PLPP3: variants seen among roughly 807,000 people sequenced by gnomAD.
The protein encoded by PLPP3 is PAP2 beta.
PLPP3 carries 6 observed loss-of-function variants against 29.6 expected under a neutral mutation model. The observed-to-expected ratio is 0.20, with a 90% CI of 0.11 to 0.40. The LOEUF (loss-of-function observed/expected upper bound fraction) is 0.40. PLPP3 is among the 10% of genes least tolerant of loss of function. The pLI, the probability that PLPP3 is intolerant of heterozygous loss-of-function variation, is 1.00. For missense variants in PLPP3, 308 were observed against 407.7 expected (o/e 0.76, Z 2.11); for synonymous variants, 152 against 159.7 (o/e 0.95, Z 0.36).
chr1:56,545,301 T>C (rs1198494841), intron 1 of PLPP3, among the ~76,000 whole-genome samples: 3 of 152,212 alleles, frequency 2.0e-5, no homozygotes, highest in African/African-American at 4.8e-5. Context: ...TAATTCCCAA[T>C]GTACAGAGTT....
intron 1 of PLPP3, among the ~76,000 whole-genome samples, chr1:56,577,832 T>C (rs937098138): frequency 7.2e-5 from 11 of 151,970 alleles, no homozygotes; most frequent in Admixed American, 5.9e-4. Context: ...CTGAGGCCCA[T>C]GAGGCAGTTA....
chr1:56,564,589 G>T (rs183895197), intron 1 of PLPP3, among the ~76,000 whole-genome samples: 141 of 152,264 alleles, frequency 9.3e-4, no homozygotes, highest in African/African-American at 3.3e-3. Context: ...ATAAGTAAAG[G>T]TCCCTCAACT....
At chr1:56,570,991 T>C (rs1167553551) in intron 1 of PLPP3, among the ~76,000 whole-genome samples, 1 of 152,242 alleles carries the variant, frequency 6.6e-6, no homozygotes. Context: ...TCCACTGATA[T>C]GGATTAAAAG....
chr1:56,537,430 G>A (rs1369020113), intron 1 of PLPP3, among the ~76,000 whole-genome samples: 2 of 152,040 alleles, frequency 1.3e-5, no homozygotes, highest in Admixed American at 6.6e-5. Context: ...ATTAAAGCCC[G>A]AATCGCAACA....
intron 2 of PLPP3, among the ~76,000 whole-genome samples, chr1:56,531,072 G>A (rs1175959357): frequency 6.6e-6 from 1 of 152,170 alleles, no homozygotes; most frequent in Non-Finnish European, 1.5e-5. Flanking sequence ...TGAAGATGAT[G>A]ACAGTATCAA....
At chr1:56,560,607 C>T (rs12033680) in intron 1 of PLPP3, among the ~76,000 whole-genome samples, 1 of 152,258 alleles carries the variant, frequency 6.6e-6, no homozygotes, top group East Asian at 1.9e-4. Flanking sequence ...TATAAGGGCA[C>T]TAATCCCATT....
At position 56,524,305 on chromosome 1, in the gene PLPP3, C is replaced by T. The variant is rs1645838491; in HGVS notation, c.547G>A (p.Gly183Ser). Residue 183 changes from glycine to serine, a missense_variant, in exon 3 of 6, where the codon GGT becomes AGT. Gly to Ser is a moderately conservative substitution (Grantham distance 56). This residue lies in a region of PLPP3 where 232 missense variants were observed against 317.2 expected (regional missense o/e 0.73). Coordinates refer to ENST00000371250, the MANE Select transcript of PLPP3 (RefSeq NM_003713.5). This position sits in a 1 kb window ranked among gnomAD's most constrained non-coding sequence, Gnocchi z 4.3. ...EGYIQNYRCR[G>S]DDSKVQEARK... ...GCTTCCTGGACTTTGCTGTCATCAC[C>T]TCTGCATCTGTAGTTCTGAATGTAG... 6.2e-7 allele frequency: 1 copy of T among 1,613,930 alleles called. No individual in the cohort carries two copies. Among genetic ancestry groups the T allele is most frequent in the East Asian group, 2.2e-5 (1 of 44,870 alleles).
intron 5 of PLPP3, among the ~76,000 whole-genome samples, chr1:56,499,448 T>C (rs1342386623): frequency 2.0e-5 from 3 of 152,112 alleles, no homozygotes; most frequent in East Asian, 3.8e-4. Context: ...CCAAAGCACT[T>C]AGCTTTGAGC....
intron 1 of PLPP3, among the ~76,000 whole-genome samples, chr1:56,540,675 CT>C (rs142492372): frequency 0.093 from 14,090 of 151,926 alleles, 872 homozygotes; most frequent in Middle Eastern, 0.13. Flanking sequence ...AACCCGATGG[CT>C]TTTTTTTGTC....
chr1:56,576,523 T>C (rs374907565), intron 1 of PLPP3, among the ~76,000 whole-genome samples: 11 of 152,186 alleles, frequency 7.2e-5, no homozygotes, highest in Non-Finnish European at 7.3e-5. Context: ...GACATTTAAT[T>C]AGTGATATTG....
At position 56,512,048 on chromosome 1, in the gene PLPP3, T is replaced by C. The variant is rs1004800065; in HGVS notation, c.738A>G (p.Val246=). The change falls in exon 5 of 6, where the codon GTA becomes GTG. Residue 246 remains valine (V), a synonymous_variant. Coordinates refer to ENST00000371250, the MANE Select transcript of PLPP3 (RefSeq NM_003713.5). The part of the protein sequence containing the change: ...MMAFYTGLSR[V]SDHKHHPSDV... ...CACTGGGATGGTGCTTGTGGTCTGA[T>C]ACGCGAGACAGTCCCGTGTAGAAGG... is the stretch of plus-strand genomic sequence containing the variant. The C allele has an allele frequency of 6.8e-6, 11 of 1,613,542 alleles. No individual in the cohort carries two copies. In the Admixed American group the frequency reaches 1.5e-4, roughly 22 times the overall value.
chr1:56,553,504 A>G (rs187242161), intron 1 of PLPP3, among the ~76,000 whole-genome samples: 6 of 152,292 alleles, frequency 3.9e-5, no homozygotes, highest in African/African-American at 7.2e-5. Context: ...TCTTACAGCC[A>G]TGACACCACA....
intron 4 of PLPP3, among the ~76,000 whole-genome samples, chr1:56,522,252 C>T (rs1312464477): frequency 6.6e-6 from 1 of 152,142 alleles, no homozygotes; most frequent in Non-Finnish European, 1.5e-5. Flanking sequence ...CAGAAGGCAT[C>T]CAAAGTGTGT....
intron 5 of PLPP3, among the ~76,000 whole-genome samples, chr1:56,506,801 GT>G (rs932581245): frequency 1.0e-4 from 15 of 150,062 alleles, no homozygotes; most frequent in Admixed American, 2.0e-4. Context: ...ATGAGCCTGT[GT>G]TTTTTTTTTA....
intron 2 of PLPP3, among the ~76,000 whole-genome samples, chr1:56,531,685 G>T (rs370931356): frequency 6.6e-6 from 1 of 152,226 alleles, no homozygotes; most frequent in African/African-American, 2.4e-5. Flanking sequence ...ATTAGCATCT[G>T]TTAAAGCACT....
At chr1:56,559,217 C>T (rs1759751) in intron 1 of PLPP3, among the ~76,000 whole-genome samples, 127,333 of 152,122 alleles carry the variant, frequency 0.84, 53,880 homozygotes, top group Non-Finnish European at 0.9. Context: ...AGAGCATAAA[C>T]AAAGGCTGGA....
rs1393755549 is a variant in PLPP3, at chr1:56,556,998, GAAAGAAAGAA to G, written c.140-19896_140-19887del. Among the ~76,000 whole-genome samples, 59 of 7,448 alleles carry G rather than the reference GAAAGAAAGAA, an allele frequency of 7.9e-3. 9 individuals are homozygous for G. The highest frequency in any genetic ancestry group is 0.013 in the South Asian group (6 of 466). The allele number at this position is 7,448 out of a possible 152,430, so 4.9% of individuals were successfully genotyped here. ...AGAAAGAAAGAAAGAAAGAAAGAAA[GAAAGAAAGAA>G]AGAGAGAGAGAGAGAGAAAGAGAGA... On this transcript the variant is annotated intron_variant, in intron 1 of 5. Transcript: ENST00000371250.
intron 5 of PLPP3, among the ~76,000 whole-genome samples, chr1:56,500,891 C>A (rs1379400871): frequency 6.6e-6 from 1 of 151,460 alleles, no homozygotes; most frequent in African/African-American, 2.4e-5. Context: ...ATAATCCCAG[C>A]TACTCGGGAG....
chr1:56,508,165 A>G (rs1397038519), intron 5 of PLPP3, among the ~76,000 whole-genome samples: 1 of 152,258 alleles, frequency 6.6e-6, no homozygotes, highest in Non-Finnish European at 1.5e-5. Context: ...ATGAGGTGAC[A>G]CTGGAACTGT....
Sources: allele counts gnomAD v4.1 joint callset (sites outside exome capture counted in the v4.1 genomes callset), GRCh38; gene constraint gnomAD v4.1.1; regional missense constraint gnomAD v4.1.1; non-coding constraint Gnocchi (gnomAD v3.1); transcripts MANE v1.5; gene names NCBI Gene and HGNC (gene_info 2026-07-23, HGNC 2026-07-21).